The following CATSPERB variants were observed in gnomAD, a reference collection of about 807,000 sequenced individuals.
The protein encoded by CATSPERB is catsper channel auxiliary subunit beta.
A neutral mutation model predicts 128.3 loss-of-function variants in CATSPERB; 93 were observed. The observed-to-expected ratio is 0.72, with a 90% CI of 0.61 to 0.86. The LOEUF (loss-of-function observed/expected upper bound fraction) is 0.86, where lower values mean the gene tolerates loss of function less well. Among genes scored for constraint, CATSPERB ranks in the 40% least tolerant of loss-of-function variants. CATSPERB has a pLI of 0.00. For synonymous variants in CATSPERB, 381 were observed against 448.8 expected (o/e 0.85, Z 1.91); for missense variants, 1,153 against 1,329.5 (o/e 0.87, Z 2.06).
chr14:91,590,450 A>G (rs1893377331), intron 23 of CATSPERB, among the ~76,000 whole-genome samples: 1 of 152,034 alleles, frequency 6.6e-6, no homozygotes. Context: ...AGAATCACTT[A>G]AATCCAGGAG....
intron 19 of CATSPERB, among the ~76,000 whole-genome samples, chr14:91,620,994 C>G (rs1307350731): frequency 6.6e-6 from 1 of 152,224 alleles, no homozygotes; most frequent in Non-Finnish European, 1.5e-5. Flanking sequence ...CAACAGAAAT[C>G]TACACTAAAA....
chr14:91,588,176 T>G (rs1468006365), intron 24 of CATSPERB, 98 bp from the exon 25 acceptor site: 1 of 692,146 alleles, frequency 1.4e-6, no homozygotes, highest in Non-Finnish European at 2.4e-6. Flanking sequence ...TACTTTTAAT[T>G]TACTATTACT....
At position 91,663,517 on chromosome 14, in the gene CATSPERB, C is replaced by T. The variant is rs1294655384; in HGVS notation, c.1288-3536G>A. Among the ~76,000 whole-genome samples, 10 of 151,796 alleles carry T rather than the reference C, an allele frequency of 6.6e-5. No homozygotes were observed. The South Asian group carries it at 1.7e-3, about 25-fold the overall frequency. ...AAAATTAGCTGGGTGTAGTGGAGGG[C>T]GCCTGTAGTCCCAGCTACTTGGGAG... On this transcript the variant is annotated intron_variant, in intron 14 of 26. Coordinates refer to ENST00000256343, the MANE Select transcript of CATSPERB (RefSeq NM_024764.4).
chr14:91,647,451 C>A (rs1021306663), intron 15 of CATSPERB, among the ~76,000 whole-genome samples: 4 of 152,176 alleles, frequency 2.6e-5, no homozygotes, highest in Admixed American at 1.3e-4. Context: ...TGTGTGCCCT[C>A]TTTACCTCTC....
At chr14:91,622,806 C>A (rs994500367) in intron 18 of CATSPERB, among the ~76,000 whole-genome samples, 3 of 151,780 alleles carry the variant, frequency 2.0e-5, no homozygotes, top group Non-Finnish European at 2.9e-5. Flanking sequence ...TGTCTCCACT[C>A]TCCTCTCATA....
intron 11 of CATSPERB, among the ~76,000 whole-genome samples, chr14:91,678,084 G>A (rs1895220112): frequency 6.6e-6 from 1 of 152,144 alleles, no homozygotes; most frequent in East Asian, 1.9e-4. Context: ...TTGGCAGGTG[G>A]GGGGCAAGGG....
intron 2 of CATSPERB, among the ~76,000 whole-genome samples, chr14:91,728,884 A>G (rs1054859247): frequency 6.6e-5 from 10 of 152,212 alleles, no homozygotes; most frequent in Admixed American, 6.5e-4. Flanking sequence ...TGCCCTATTC[A>G]CAGTTATACA....
intron 15 of CATSPERB, among the ~76,000 whole-genome samples, chr14:91,648,576 C>CATATCTTG (rs1894647070): frequency 6.6e-6 from 1 of 151,270 alleles, no homozygotes; most frequent in Admixed American, 6.6e-5. Context: ...TGTATATTTA[C>CATATCTTG]ATATCTTGTA....
At chr14:91,727,270 A>G (rs544212218) in intron 2 of CATSPERB, among the ~76,000 whole-genome samples, 2 of 152,264 alleles carry the variant, frequency 1.3e-5, no homozygotes, top group Admixed American at 1.3e-4. Context: ...CCTGTCCCTC[A>G]TATTCCCCAG....
At chr14:91,670,085 G>C (rs1165937592) in intron 13 of CATSPERB, 113 bp from the exon 14 acceptor site, 3 of 904,508 alleles carry the variant, frequency 3.3e-6, no homozygotes, top group Non-Finnish European at 5.2e-6. Flanking sequence ...ACACAACATA[G>C]AACTAGAAGG....
At chr14:91,584,275 G>A (rs1893258271) in intron 26 of CATSPERB, among the ~76,000 whole-genome samples, 1 of 151,926 alleles carries the variant, frequency 6.6e-6, no homozygotes, top group Non-Finnish European at 1.5e-5. Flanking sequence ...CACCATGTTG[G>A]CCAGGCTGGT....
At chr14:91,637,059 C>A (rs935970776) in intron 16 of CATSPERB, among the ~76,000 whole-genome samples, 3 of 152,178 alleles carry the variant, frequency 2.0e-5, no homozygotes, top group African/African-American at 7.2e-5. Flanking sequence ...GACTCACAGA[C>A]CTCCCCTTGC....
chr14:91,671,887 C>T (rs944086451), intron 13 of CATSPERB, among the ~76,000 whole-genome samples: 7 of 151,908 alleles, frequency 4.6e-5, no homozygotes, highest in East Asian at 3.9e-4. Flanking sequence ...GGCATGGTGG[C>T]GGGCGCCTGT....
At chr14:91,591,862 C>T (rs749572402) in intron 23 of CATSPERB, 30 bp downstream of exon 23, 19 of 1,406,456 alleles carry the variant, frequency 1.4e-5, no homozygotes, top group East Asian at 6.8e-5. Flanking sequence ...AGAAAGTATC[C>T]TGTATTCAGG....
chr14:91,608,342 A>C lies in CATSPERB; in HGVS notation c.2661T>G (p.His887Gln). The C allele has an allele frequency of 1.2e-6, 2 of 1,613,082 alleles. No homozygotes were observed. Among genetic ancestry groups the C allele is most frequent in the Non-Finnish European group, 1.7e-6 (2 of 1,179,172 alleles). ...IAIPLTDNFY[H>Q]ADPSKPIPRN... ...TTGGTATGGGTTTGCTAGGATCTGC[A>C]TGATAAAAATTATCTGTGAGTGGAA... The change falls in exon 22 of 27, where the codon CAT becomes CAG. Residue 887 changes from histidine to glutamine, a missense_variant. Coordinates refer to ENST00000256343, the MANE Select transcript of CATSPERB (RefSeq NM_024764.4).
intron 10 of CATSPERB, among the ~76,000 whole-genome samples, chr14:91,684,389 T>G (rs940505715): frequency 6.6e-6 from 1 of 152,216 alleles, no homozygotes; most frequent in African/African-American, 2.4e-5. Context: ...CAAGCTTCAA[T>G]ATATTGAATA....
chr14:91,679,918 CT>C (rs948219210), intron 11 of CATSPERB, among the ~76,000 whole-genome samples: 64 of 152,214 alleles, frequency 4.2e-4, no homozygotes, highest in African/African-American at 1.4e-3. Context: ...AGTTACAGGG[CT>C]TTGACTCCTA....
intron 10 of CATSPERB, among the ~76,000 whole-genome samples, chr14:91,684,672 T>C (rs1895344155): frequency 6.7e-6 from 1 of 150,292 alleles, no homozygotes; most frequent in South Asian, 2.1e-4. Flanking sequence ...TGGAGTGCAG[T>C]AGCACAATTT....
intron 7 of CATSPERB, among the ~76,000 whole-genome samples, chr14:91,694,438 C>CA (rs547649333): frequency 0.01 from 675 of 65,722 alleles, 36 homozygotes; most frequent in African/African-American, 0.023. Context: ...GACCCTATCT[C>CA]AAAAAAAAAA....
Sources: gnomAD v4.1 joint callset for allele counts (sites outside exome capture counted in the v4.1 genomes callset) on GRCh38, gnomAD v4.1.1 for gene constraint, MANE v1.5 for transcripts, NCBI Gene and HGNC (gene_info 2026-07-23, HGNC 2026-07-21) for gene names.